Variants in TMPRSS2 observed in about 807,000 individuals in gnomAD.
TMPRSS2 encodes the protein transmembrane protease serine 2.
TMPRSS2 carries 59 observed loss-of-function variants against 67.4 expected under a neutral mutation model. That is an observed-to-expected ratio of 0.88 (90% CI 0.71 to 1.09). The LOEUF (loss-of-function observed/expected upper bound fraction) is 1.09, where lower values mean the gene tolerates loss of function less well. Ranked by LOEUF, TMPRSS2 falls within the 50% of genes least tolerant of loss-of-function variation. The pLI is 0.00. For missense variants in TMPRSS2, 668 were observed against 642.7 expected (o/e 1.04, Z -0.43); for synonymous variants, 257 against 257.0 (o/e 1.00, Z 0.00).
chr21:41,488,722 C>T (rs1053958936), intron 4 of TMPRSS2, among the ~76,000 whole-genome samples: 12 of 152,206 alleles, frequency 7.9e-5, no homozygotes, highest in African/African-American at 2.9e-4. Context: ...ACTGCAACCT[C>T]CAACTCCTGG....
In TMPRSS2 at chr21:41,494,271, T is replaced by C. The variant is rs1410510720; in HGVS notation, c.238+85A>G. On this transcript the variant is annotated intron_variant, in intron 3 of 13. Transcript: ENST00000332149. ...GTCAGACCAGGAGAGGTGGCGACAG[T>C]GGTGTTGGGAGCAGAGAGCCCACTG... The C allele has an allele frequency of 5.7e-6, 8 of 1,394,174 alleles. No individual in the cohort carries two copies. The African/African-American group carries it at 1.0e-4, about 18-fold the overall frequency. 86.4% of individuals were successfully genotyped at this position (1,394,174 alleles called of 1,614,324 possible).
chr21:41,482,642 T>C (rs1299988510), intron 5 of TMPRSS2, among the ~76,000 whole-genome samples: 1 of 152,220 alleles, frequency 6.6e-6, no homozygotes, highest in Non-Finnish European at 1.5e-5. Context: ...GGTCTGATTA[T>C]TGTCTAATGC....
At chr21:41,481,636 C>T (rs2410428) in intron 5 of TMPRSS2, among the ~76,000 whole-genome samples, 33,768 of 151,956 alleles carry the variant, frequency 0.22, 4,069 homozygotes, top group Middle Eastern at 0.31. Flanking sequence ...CATTACATAT[C>T]AATAAGCTGT....
At chr21:41,494,296 G>A in intron 3 of TMPRSS2, 60 bp downstream of exon 3, 1 of 1,567,296 alleles carries the variant, frequency 6.4e-7, no homozygotes, top group Non-Finnish European at 8.7e-7. Flanking sequence ...AGAGCCCACT[G>A]GGGAGGTAGA....
At chr21:41,492,585 T>C (rs2091346479) in intron 3 of TMPRSS2, among the ~76,000 whole-genome samples, 1 of 152,260 alleles carries the variant, frequency 6.6e-6, no homozygotes, top group Admixed American at 6.5e-5. Flanking sequence ...CAGTGTTTTC[T>C]TAAAAATAGT....
In TMPRSS2 at chr21:41,494,421, G is replaced by A. The variant is rs770214639; in HGVS notation, c.173C>T (p.Thr58Met). Reference sequence around the variant, plus strand: ...GCAGACGACGGGGTTGGAAGCCTGCGTCAGGACCCTCGGGGCGTACTGGGG... The same window carrying A: ...GCAGACGACGGGGTTGGAAGCCTGCATCAGGACCCTCGGGGCGTACTGGGG... The part of the protein sequence containing the change: ...PVPQYAPRVL[T>M]QASNPVVCTQ... The change falls in exon 3 of 14, where the codon ACG becomes ATG. Residue 58 changes from threonine to methionine, a missense_variant. Coordinates refer to ENST00000332149, the MANE Select transcript of TMPRSS2 (RefSeq NM_005656.4). 53 of 1,612,138 alleles carry A rather than the reference G, an allele frequency of 3.3e-5. No homozygotes were observed. The highest frequency in any genetic ancestry group is 2.5e-4 in the South Asian group (23 of 90,788).
chr21:41,484,187 C>T (rs1030830385), intron 5 of TMPRSS2, among the ~76,000 whole-genome samples: 4 of 152,168 alleles, frequency 2.6e-5, no homozygotes, highest in African/African-American at 7.2e-5. Context: ...GAAATGCTCA[C>T]CATAATAAAG....
intron 5 of TMPRSS2, among the ~76,000 whole-genome samples, chr21:41,483,715 A>G (rs2091274532): frequency 6.6e-6 from 1 of 151,430 alleles, no homozygotes; most frequent in African/African-American, 2.4e-5. Flanking sequence ...CTGCACCCGG[A>G]AGAGACGGCA....
At chr21:41,498,853 C>T (rs559163931) in intron 1 of TMPRSS2, among the ~76,000 whole-genome samples, 42 of 152,110 alleles carry the variant, frequency 2.8e-4, no homozygotes, top group Non-Finnish European at 5.1e-4. Flanking sequence ...CATGGGAAAA[C>T]GGACAAAGCA....
chr21:41,473,261 A>T, intron 9 of TMPRSS2, 64 bp downstream of exon 9: 1 of 1,495,304 alleles, frequency 6.7e-7, no homozygotes, highest in Non-Finnish European at 9.0e-7. Context: ...GACCTGCTCA[A>T]GGTCACAGGG....
Position 41,465,694 on chromosome 21 carries a change from T to G in TMPRSS2, c.*448A>C. On this transcript the variant is annotated 3_prime_UTR_variant, in exon 14 of 14. Coordinates refer to ENST00000332149, the MANE Select transcript of TMPRSS2 (RefSeq NM_005656.4). ...AAAATCCCCTTGTGGAGAGGTAGGCTGGGGACACTACCAAGTGGCCCCAGA... is the reference window on the plus strand; with the variant it reads ...AAAATCCCCTTGTGGAGAGGTAGGCGGGGGACACTACCAAGTGGCCCCAGA... 1 of 253,548 alleles carries G rather than the reference T, an allele frequency of 3.9e-6. No individual in the cohort carries two copies. The highest frequency in any genetic ancestry group is 7.6e-6 in the Non-Finnish European group (1 of 132,092). 15.7% of individuals were successfully genotyped at this position (253,548 alleles called of 1,614,324 possible). A position where few individuals can be genotyped will look rare whatever the true frequency, so the allele number is the denominator to read the frequency against.
chr21:41,503,153 T>G (rs1442501398), intron 1 of TMPRSS2, among the ~76,000 whole-genome samples: 1 of 152,018 alleles, frequency 6.6e-6, no homozygotes, highest in African/African-American at 2.4e-5. Context: ...AAAGGCCAAA[T>G]GAGTAAGATG....
At chr21:41,507,818 G>A (rs1601595636) in intron 1 of TMPRSS2, 3 of 1,067,942 alleles carry the variant, frequency 2.8e-6, no homozygotes, top group Admixed American at 7.5e-5. Flanking sequence ...CCAACCTCGC[G>A]ATGCCAAGCC....
intron 3 of TMPRSS2, 25 bp from the exon 4 acceptor site, chr21:41,489,618 G>A (rs144948620): frequency 0.012 from 18,824 of 1,550,118 alleles, 146 homozygotes; most frequent in Non-Finnish European, 0.014. Flanking sequence ...AGAGTGCAAC[G>A]TTCAGACCAG....
intron 1 of TMPRSS2, chr21:41,502,536 C>A (rs2146506738): frequency 3.0e-6 from 3 of 985,390 alleles, no homozygotes; most frequent in Non-Finnish European, 3.6e-6. Flanking sequence ...ACGGACACAT[C>A]CCAGCCAATG....
At position 41,492,346 on chromosome 21, in the gene TMPRSS2, T is replaced by C. The variant is rs555667242; in HGVS notation, c.238+2010A>G. Among the ~76,000 whole-genome samples the C allele has an allele frequency of 5.2e-5, 8 of 152,382 alleles. 1 individual carries two copies. The highest frequency in any genetic ancestry group is 1.7e-4 in the African/African-American group (7 of 41,596). Reference sequence around the variant, plus strand: ...TTTCACACGCACATTTGGAGGACTATGGACCTTCGATTCTCCAAAGCCTAA... The same window carrying C: ...TTTCACACGCACATTTGGAGGACTACGGACCTTCGATTCTCCAAAGCCTAA... On this transcript the variant is annotated intron_variant, in intron 3 of 13. Coordinates refer to ENST00000332149, the MANE Select transcript of TMPRSS2 (RefSeq NM_005656.4).
chr21:41,470,589 C>A (rs1406734513), intron 11 of TMPRSS2, 59 bp downstream of exon 11: 4 of 1,534,570 alleles, frequency 2.6e-6, no homozygotes, highest in Non-Finnish European at 2.7e-6. Flanking sequence ...CCTCCCACTT[C>A]CGAACCCAAT....
At chr21:41,479,626 C>G (rs765281819) in intron 6 of TMPRSS2, among the ~76,000 whole-genome samples, 1 of 43,510 alleles carries the variant, frequency 2.3e-5, no homozygotes, top group Non-Finnish European at 5.0e-5. Context: ...CCACCAGGTT[C>G]CTGGACTGTG....
At chr21:41,469,200 T>C (rs942892059) in intron 11 of TMPRSS2, among the ~76,000 whole-genome samples, 1 of 151,862 alleles carries the variant, frequency 6.6e-6, no homozygotes, top group African/African-American at 2.4e-5. Flanking sequence ...AGCCACAGAG[T>C]GGAAAGCCAT....
Sources: gnomAD v4.1 joint callset for allele counts (sites outside exome capture counted in the v4.1 genomes callset) on GRCh38, gnomAD v4.1.1 for gene constraint, MANE v1.5 for transcripts, NCBI Gene and HGNC (gene_info 2026-07-23, HGNC 2026-07-21) for gene names.